The following TMC5 variants were observed in gnomAD, a reference collection of about 807,000 sequenced individuals.
TMC5 encodes transmembrane channel like 5, also known as transmembrane channel-like protein 5.
A neutral mutation model predicts 110.5 loss-of-function variants in TMC5; 86 were observed. That is an observed-to-expected ratio of 0.78 (90% CI 0.65 to 0.93). TMC5 has a LOEUF of 0.93. TMC5 is among the 40% of genes least tolerant of loss of function. TMC5 has a pLI of 0.00. For synonymous variants in TMC5, 455 were observed against 439.5 expected (o/e 1.04, Z -0.44); for missense variants, 1,144 against 1,222.8 (o/e 0.94, Z 0.96).
At chr16:19,437,306 G>A (rs1967370218) in intron 2 of TMC5, among the ~76,000 whole-genome samples, 2 of 152,238 alleles carry the variant, frequency 1.3e-5, no homozygotes, top group Non-Finnish European at 2.9e-5. Flanking sequence ...TGCTCTGACA[G>A]AATCACTGTC....
intron 5 of TMC5, among the ~76,000 whole-genome samples, chr16:19,452,910 G>A (rs1001492557): frequency 6.6e-6 from 1 of 152,012 alleles, no homozygotes; most frequent in Non-Finnish European, 1.5e-5. Context: ...AGATCAGAGA[G>A]AGAGATTCTG....
rs367823912 is a variant in TMC5 at position 19,469,699 on chromosome 16, G to C, written c.1656G>C (p.Arg552=). The change falls in exon 10 of 22, where the codon CGG becomes CGC. Residue 552 remains arginine, a synonymous_variant. Coordinates refer to ENST00000542583, the MANE Select transcript of TMC5 (RefSeq NM_001261841.2). ...SLLFSMAKYF[R]NNFINPHIYS... ...TCTCTAGCATGGCCAAGTATTTCCG[G>C]AACAACTTCATTAATCCCCACATTT... The C allele has an allele frequency of 1.9e-6, 3 of 1,614,010 alleles. No homozygotes were observed. Among genetic ancestry groups the C allele is most frequent in the Non-Finnish European group, 2.5e-6 (3 of 1,179,922 alleles).
Position 19,427,657 on chromosome 16 carries a change from G to T in TMC5, c.-307-2756G>T, listed in dbSNP as rs374166999. Among the ~76,000 whole-genome samples, 132 of 151,980 alleles carry T rather than the reference G, an allele frequency of 8.7e-4. 1 individual carries two copies. The South Asian group carries it at 0.012, about 13-fold the overall frequency. On this transcript the variant is annotated intron_variant, in intron 1 of 21. Coordinates refer to ENST00000542583, the MANE Select transcript of TMC5 (RefSeq NM_001261841.2). The stretch of plus-strand genomic sequence containing the variant: ...AACTTTGGCACTCTTGGCATTTGGG[G>T]CCAAATAATTTTCTATTGTGGGGAG...
intron 19 of TMC5, 54 bp from the exon 20 acceptor site, chr16:19,494,208 C>G: frequency 7.1e-7 from 1 of 1,407,424 alleles, no homozygotes; most frequent in South Asian, 1.2e-5. Context: ...CAATTCCATA[C>G]CATCATTCAT....
At position 19,469,684 on chromosome 16, in the gene TMC5, G is replaced by T; in HGVS notation, c.1641G>T (p.Met547Ile). The change falls in exon 10 of 22, where the codon ATG (methionine) becomes ATT (isoleucine). Residue 547 changes from methionine to isoleucine, a missense_variant. Transcript: ENST00000542583. ...TTCTGCTTTCTGCCTTCTCTAGCATGGCCAAGTATTTCCGGAACAACTTCA... is the reference window on the plus strand; with the variant it reads ...TTCTGCTTTCTGCCTTCTCTAGCATTGCCAAGTATTTCCGGAACAACTTCA... ...TTCFFSLLFS[M>I]AKYFRNNFIN... The T allele has an allele frequency of 6.2e-7, 1 of 1,613,944 alleles. No homozygotes were observed. Among genetic ancestry groups the T allele is most frequent in the Non-Finnish European group, 8.5e-7 (1 of 1,179,908 alleles).
At chr16:19,494,818 ATAT>A (rs1969008941) in intron 20 of TMC5, among the ~76,000 whole-genome samples, 1 of 151,888 alleles carries the variant, frequency 6.6e-6, no homozygotes, top group African/African-American at 2.4e-5. Flanking sequence ...AAAAAAAGTA[ATAT>A]TCATTTTTTC....
chr16:19,455,750 A>G (rs1348271803), intron 5 of TMC5, among the ~76,000 whole-genome samples: 1 of 152,158 alleles, frequency 6.6e-6, no homozygotes, highest in African/African-American at 2.4e-5. Context: ...TTTGAGCACT[A>G]TGTCTGCACA....
intron 11 of TMC5, among the ~76,000 whole-genome samples, chr16:19,473,488 G>C (rs1968403631): frequency 6.6e-6 from 1 of 151,284 alleles, no homozygotes; most frequent in East Asian, 2.0e-4. Flanking sequence ...ACAGGAGGGA[G>C]CACATCCTCA....
chr16:19,416,482 G>T (rs1966877760), upstream of TMC5, among the ~76,000 whole-genome samples: 2 of 152,200 alleles, frequency 1.3e-5, no homozygotes, highest in Non-Finnish European at 1.5e-5. Context: ...GTGAGTCTTA[G>T]GTGGCTAGAA....
intron 2 of TMC5, 26 bp from the exon 3 acceptor site, chr16:19,439,934 C>G (rs551263970): frequency 9.8e-7 from 1 of 1,024,964 alleles, no homozygotes; most frequent in African/African-American, 1.6e-5. Context: ...AAAAATCTGA[C>G]TTTTTCTTTT....
At chr16:19,490,272 G>A in intron 17 of TMC5, 123 bp from the exon 18 acceptor site, 1 of 934,400 alleles carries the variant, frequency 1.1e-6, no homozygotes, top group Non-Finnish European at 1.6e-6. Context: ...TGGGAAGTGG[G>A]TGTGATTGGA....
At chr16:19,443,705 G>A (rs1967541839) in intron 3 of TMC5, among the ~76,000 whole-genome samples, 1 of 152,062 alleles carries the variant, frequency 6.6e-6, no homozygotes, top group East Asian at 1.9e-4. Flanking sequence ...TGAATGGATG[G>A]ATACATGGAT....
At chr16:19,459,608 C>T (rs932074885) in intron 5 of TMC5, among the ~76,000 whole-genome samples, 13 of 151,958 alleles carry the variant, frequency 8.6e-5, no homozygotes, top group Non-Finnish European at 1.6e-4. Flanking sequence ...AAGACCCCAT[C>T]TCTACAAATA....
chr16:19,460,474 C>A, intron 6 of TMC5, 140 bp downstream of exon 6: 1 of 577,078 alleles, frequency 1.7e-6, no homozygotes, highest in Admixed American at 3.1e-5. Flanking sequence ...TTCAAATGCC[C>A]TCTGTAGGTA....
At chr16:19,436,700 C>G (rs992219745) in intron 2 of TMC5, among the ~76,000 whole-genome samples, 8 of 152,118 alleles carry the variant, frequency 5.3e-5, no homozygotes, top group Non-Finnish European at 1.5e-5. Flanking sequence ...AATGTAATGA[C>G]TCAAGTATCC....
chr16:19,438,423 A>G (rs865805506), intron 2 of TMC5, among the ~76,000 whole-genome samples: 19 of 38,148 alleles, frequency 5.0e-4, no homozygotes, highest in African/African-American at 7.7e-4. Flanking sequence ...AAAGAAAAGA[A>G]AAAGAAAGAA....
chr16:19,456,661 C>A, intron 5 of TMC5: 1 of 1,572,058 alleles, frequency 6.4e-7, no homozygotes, highest in South Asian at 1.2e-5. Flanking sequence ...TATGAAGTCT[C>A]AGGAAGCCCA....
At chr16:19,496,073 A>G (rs1969044535) in intron 20 of TMC5, among the ~76,000 whole-genome samples, 1 of 151,074 alleles carries the variant, frequency 6.6e-6, no homozygotes. Context: ...ACAGGAAATC[A>G]CTTGGACCCA....
At chr16:19,473,345 CAAAAAAAAAAAAAAAAAAAAAA>C (rs35872301) in intron 11 of TMC5, among the ~76,000 whole-genome samples, 9 of 20,212 alleles carry the variant, frequency 4.5e-4, no homozygotes, top group Admixed American at 4.1e-3. Flanking sequence ...GACTCCGGCT[CAAAAAAAAAAAAAAAAAAAAAA>C]AAAAAAAAAA....
Sources: allele counts gnomAD v4.1 joint callset (sites outside exome capture counted in the v4.1 genomes callset), GRCh38; gene constraint gnomAD v4.1.1; transcripts MANE v1.5; gene names NCBI Gene and HGNC (gene_info 2026-07-23, HGNC 2026-07-21).